FRMD4B: variants seen among roughly 807,000 people sequenced by gnomAD.
The protein encoded by FRMD4B is FERM domain containing 4B, also known as FERM domain-containing protein 4B.
In FRMD4B, 74 loss-of-function variants were observed where a neutral mutation model predicts 141.5. That is an observed-to-expected ratio of 0.52 (90% confidence interval 0.43 to 0.63). FRMD4B has a LOEUF of 0.63. Ranked by LOEUF, FRMD4B falls within the 30% of genes least tolerant of loss-of-function variation. The pLI, the probability that FRMD4B is intolerant of heterozygous loss-of-function variation, is 0.00. For missense variants in FRMD4B, 1,366 were observed against 1,253.4 expected (o/e 1.09, Z -1.36); for synonymous variants, 506 against 467.9 (o/e 1.08, Z -1.05).
At chr3:69,536,769 C>T in intron 1 of FRMD4B, 1 of 484,524 alleles carries the variant, frequency 2.1e-6, no homozygotes. Flanking sequence ...TTTTTTGAGA[C>T]AGAGTCTTGC....
At chr3:69,214,747 A>G (rs1026686184) in intron 11 of FRMD4B, among the ~76,000 whole-genome samples, 1 of 152,052 alleles carries the variant, frequency 6.6e-6, no homozygotes, top group African/African-American at 2.4e-5. Flanking sequence ...CTGTAGTCCA[A>G]GCTACTTGGG....
In FRMD4B at chr3:69,207,925, A is replaced by T. The variant is rs781360989; in HGVS notation, c.876+8338T>A. The stretch of plus-strand genomic sequence containing the variant: ...ACGGAACTCCGTAAGCTCCAGCTAC[A>T]GTGGTGTGCAGTGGCGCCATCTTGG... On this transcript the variant is annotated intron_variant, in intron 11 of 22. Transcript: ENST00000398540. Among the ~76,000 whole-genome samples the T allele has an allele frequency of 8.6e-5, 13 of 151,088 alleles. 1 individual carries two copies. The highest frequency in any genetic ancestry group is 2.0e-4 in the Admixed American group (3 of 15,104).
At chr3:69,519,355 C>T (rs1700816509) in intron 1 of FRMD4B, among the ~76,000 whole-genome samples, 2 of 152,040 alleles carry the variant, frequency 1.3e-5, no homozygotes. Context: ...TCTGGTATAT[C>T]TAAGGATCCA....
At chr3:69,256,579 C>A (rs917943189) in intron 5 of FRMD4B, among the ~76,000 whole-genome samples, 6 of 152,212 alleles carry the variant, frequency 3.9e-5, no homozygotes, top group African/African-American at 1.4e-4. Flanking sequence ...CTTGGCCTCC[C>A]AAAGTGCTGG....
At chr3:69,461,391 C>G (rs943249030) in intron 1 of FRMD4B, among the ~76,000 whole-genome samples, 1 of 151,484 alleles carries the variant, frequency 6.6e-6, no homozygotes, top group African/African-American at 2.4e-5. Context: ...AGACCCCCCC[C>G]ATCTCTAAAA....
At chr3:69,479,646 C>CAA (rs1237384255) in intron 1 of FRMD4B, among the ~76,000 whole-genome samples, 26 of 152,212 alleles carry the variant, frequency 1.7e-4, no homozygotes, top group South Asian at 6.2e-4. Flanking sequence ...AACATTTTTT[C>CAA]CTTCATTTCA....
intron 5 of FRMD4B, 183 bp from the exon 6 acceptor site, chr3:69,250,282 T>TGTGTGTGA: frequency 4.1e-6 from 2 of 488,670 alleles, no homozygotes; most frequent in Non-Finnish European, 7.1e-6. Flanking sequence ...GCGAAACCAC[T>TGTGTGTGA]GTGTGTGCGT....
intron 9 of FRMD4B, among the ~76,000 whole-genome samples, chr3:69,221,165 G>A (rs2093190544): frequency 6.6e-6 from 1 of 152,084 alleles, no homozygotes; most frequent in African/African-American, 2.4e-5. Flanking sequence ...GTTTCACCAT[G>A]TTGGCCAGGC....
chr3:69,260,505 T>A (rs2093519681), intron 5 of FRMD4B, among the ~76,000 whole-genome samples: 1 of 152,198 alleles, frequency 6.6e-6, no homozygotes, highest in African/African-American at 2.4e-5. Flanking sequence ...CTCAGCCACC[T>A]CCCCATGGGG....
chr3:69,229,770 C>A (rs766441624), intron 7 of FRMD4B, among the ~76,000 whole-genome samples: 1 of 152,108 alleles, frequency 6.6e-6, no homozygotes, highest in Non-Finnish European at 1.5e-5. Context: ...TGCAGTCGTG[C>A]GATCTTGTTT....
intron 1 of FRMD4B, among the ~76,000 whole-genome samples, chr3:69,456,044 T>C (rs1231970509): frequency 2.0e-5 from 3 of 152,166 alleles, no homozygotes; most frequent in African/African-American, 7.2e-5. Context: ...TGGCACGTGG[T>C]GAAGGCAGTT....
chr3:69,178,256 G>A lies in FRMD4B; in HGVS notation c.2852-1600C>T, dbSNP rs911750126. ...TGCCTGTGATCACTATGGGACAAAC[G>A]CATTTCAAAACTCATCTGTGGCCCT... On this transcript the variant is annotated intron_variant, in intron 21 of 22. Coordinates refer to ENST00000398540, the MANE Select transcript of FRMD4B (RefSeq NM_015123.3). Among the ~76,000 whole-genome samples the A allele has an allele frequency of 1.3e-4, 20 of 152,108 alleles. 1 individual carries two copies. Among genetic ancestry groups the A allele is most frequent in the East Asian group, 5.8e-4 (3 of 5,194 alleles).
At chr3:69,333,862 A>G (rs2170800) in intron 1 of FRMD4B, 101,131 of 151,990 alleles carry the variant, frequency 0.67, 34,915 homozygotes, top group African/African-American at 0.86. Flanking sequence ...GGGTGAGGGT[A>G]GGTGTCAGAT....
At chr3:69,401,641 C>T (rs938613449) in intron 2 of FRMD4B, among the ~76,000 whole-genome samples, 1 of 152,134 alleles carries the variant, frequency 6.6e-6, no homozygotes, top group African/African-American at 2.4e-5. Context: ...CTTTGACGTC[C>T]TGGGCTCAAG....
At chr3:69,478,040 C>A (rs1451169222) in intron 1 of FRMD4B, among the ~76,000 whole-genome samples, 1 of 152,046 alleles carries the variant, frequency 6.6e-6, no homozygotes, top group Non-Finnish European at 1.5e-5. Flanking sequence ...TCTGAGGGAT[C>A]AGTGGTGATA....
chr3:69,253,744 G>C (rs1559754615), intron 5 of FRMD4B, among the ~76,000 whole-genome samples: 1 of 152,110 alleles, frequency 6.6e-6, no homozygotes, highest in Non-Finnish European at 1.5e-5. Flanking sequence ...AATTACCCTT[G>C]CACCTCTCTA....
chr3:69,241,616 T>C (rs958117516), intron 7 of FRMD4B, among the ~76,000 whole-genome samples: 6 of 152,066 alleles, frequency 3.9e-5, no homozygotes, highest in African/African-American at 1.4e-4. Flanking sequence ...AAGAAACTGG[T>C]TGGGTGCAGT....
intron 1 of FRMD4B, among the ~76,000 whole-genome samples, chr3:69,440,044 T>G (rs1575803117): frequency 6.6e-6 from 1 of 152,328 alleles, no homozygotes; most frequent in East Asian, 1.9e-4. Flanking sequence ...TCTTTTTATT[T>G]TATGGTGCCA....
chr3:69,394,526 G>A (rs62251413), intron 2 of FRMD4B, among the ~76,000 whole-genome samples: 38,648 of 152,192 alleles, frequency 0.25, 5,730 homozygotes, highest in East Asian at 0.46. Context: ...AACAGATGCT[G>A]GTGATGCTGT....
Sources: gnomAD v4.1 joint callset for allele counts (sites outside exome capture counted in the v4.1 genomes callset) on GRCh38, gnomAD v4.1.1 for gene constraint, MANE v1.5 for transcripts, NCBI Gene and HGNC (gene_info 2026-07-23, HGNC 2026-07-21) for gene names.